Variants in EPX observed in about 807,000 individuals in gnomAD.
EPX encodes eosinophil peroxidase.
In EPX, 60 loss-of-function variants were observed where a neutral mutation model predicts 73.0. The ratio of observed to expected loss-of-function variants is 0.82; its 90% CI spans 0.67 to 1.02. EPX has a LOEUF of 1.02. EPX is among the 50% of genes least tolerant of loss of function. The probability of loss-of-function intolerance (pLI) is 0.00; values close to 1 mark genes in which losing one functional copy is unlikely to be tolerated. For missense variants in EPX, 950 were observed against 973.9 expected, an observed-to-expected ratio of 0.98 and a Z score of 0.33; for synonymous variants, 347 against 389.2, an observed-to-expected ratio of 0.89 and a Z score of 1.28.
rs1301655571 is a variant in EPX, at chr17:58,192,928, A to C, written c.76+6A>C. 2.2e-5 allele frequency: 36 copies of C among 1,613,744 alleles called. No homozygotes were observed. The highest frequency in any genetic ancestry group is 3.1e-5 in the Non-Finnish European group (36 of 1,179,630). On this transcript the variant is annotated splice_donor_region_variant and intron_variant, in intron 1 of 12. Transcript: ENST00000225371. ...CTGTGAGGGCACTGACCCAGGTAAT[A>C]GTCCCCTAGACAGGCAAGGAGGAGG... is the stretch of plus-strand genomic sequence containing the variant.
chr17:58,194,132 T>C (rs1157220126), intron 5 of EPX, 40 bp downstream of exon 5: 2 of 1,608,292 alleles, frequency 1.2e-6, no homozygotes, highest in Admixed American at 3.3e-5. Context: ...GCTTGATCTC[T>C]TAAATGCGGG....
At chr17:58,203,565 A>G (rs1968373006) in intron 11 of EPX, among the ~76,000 whole-genome samples, 1 of 152,148 alleles carries the variant, frequency 6.6e-6, no homozygotes, top group South Asian at 2.1e-4. Flanking sequence ...CAGCCTCACT[A>G]TTCTGGGTTG....
chr17:58,198,203 G>A (rs1247042187), intron 7 of EPX, among the ~76,000 whole-genome samples: 2 of 152,162 alleles, frequency 1.3e-5, no homozygotes, highest in Admixed American at 6.5e-5. Context: ...AATTATTATT[G>A]TTCTCATTTT....
At position 58,204,383 on chromosome 17, in the gene EPX, G is replaced by A. The variant is rs538257523; in HGVS notation, c.2108G>A (p.Arg703His). The A allele has an allele frequency of 3.7e-5, 59 of 1,613,924 alleles. No homozygotes were observed. The South Asian group carries it at 4.1e-4, about 11-fold the overall frequency. Residue 703 changes from arginine to histidine, a missense_variant, in exon 12 of 13, where the codon CGT becomes CAT. Physicochemically the swap from Arg to His is conservative, Grantham distance 29 (BLOSUM62 0). Transcript: ENST00000225371. ...CCTCGGGGCTTTGTGAACTGCAGCC[G>A]TATCCCCAGGTTGAACCTATCAGCC... is the stretch of plus-strand genomic sequence containing the variant. ...IYPRGFVNCS[R>H]IPRLNLSAWR...
rs199870912 is a variant in EPX, at chr17:58,197,156, G to A, written c.1019G>A (p.Arg340His). 72 of 1,614,044 alleles carry A rather than the reference G, an allele frequency of 4.5e-5. No individual in the cohort carries two copies. Among genetic ancestry groups the A allele is most frequent in the Admixed American group, 1.0e-4 (6 of 60,012 alleles). Residue 340 changes from arginine (R) to histidine (H), a missense_variant, in exon 7 of 13, where the codon CGC (arginine) becomes CAC (histidine). Arg to His is a conservative substitution (Grantham distance 29). Transcript: ENST00000225371. ...CTGGGGCTGCTGGCCATCAACCAGC[G>A]CTTTCAAGACAACGGCCGGGCCCTG... ...NYLGLLAINQ[R>H]FQDNGRALLP...
At chr17:58,195,422 C>A (rs976524056) in intron 6 of EPX, among the ~76,000 whole-genome samples, 1 of 152,196 alleles carries the variant, frequency 6.6e-6, no homozygotes, top group Non-Finnish European at 1.5e-5. Context: ...TGACACATGC[C>A]TTGACCCATG....
At chr17:58,202,907 T>C (rs1968360523) in intron 10 of EPX, 174 bp from the exon 11 acceptor site, 1 of 657,654 alleles carries the variant, frequency 1.5e-6, no homozygotes, top group South Asian at 1.7e-5. Context: ...ACATTTTCAA[T>C]CAGAGGACAG....
In EPX at chr17:58,193,401, C is replaced by T. The variant is rs754597061; in HGVS notation, c.201C>T (p.Ala67=). ...SIKQRLRSGS[A]SPMDLLSYFK... is the part of the protein sequence containing the mutation. Reference sequence around the variant, plus strand: ...AGCAGCGGCTTCGCAGCGGTTCAGCCAGCCCCATGGACCTCCTGTCCTACT... The same window carrying T: ...AGCAGCGGCTTCGCAGCGGTTCAGCTAGCCCCATGGACCTCCTGTCCTACT... The change falls in exon 3 of 13, where the codon GCC becomes GCT. Residue 67 remains alanine, a synonymous_variant. Transcript: ENST00000225371. The T allele has an allele frequency of 2.3e-5, 37 of 1,614,128 alleles. No individual in the cohort carries two copies. The South Asian group carries it at 3.8e-4, about 17-fold the overall frequency.
chr17:58,194,834 C>T (rs957680942), intron 5 of EPX, 130 bp from the exon 6 acceptor site: 6 of 732,810 alleles, frequency 8.2e-6, no homozygotes, highest in Admixed American at 4.0e-5. Flanking sequence ...ACAAAAGGGG[C>T]ATGGAGGGCA....
chr17:58,193,189 C>G, intron 2 of EPX, 58 bp downstream of exon 2: 1 of 1,357,248 alleles, frequency 7.4e-7, no homozygotes, highest in Non-Finnish European at 1.1e-6. Context: ...GGCATGGGCC[C>G]CAGCCAAGTT....
chr17:58,204,238 C>T lies in EPX; in HGVS notation c.1963C>T (p.Arg655Ter), dbSNP rs570056910. Residue 655 changes from arginine to a stop codon, truncating the protein, a stop_gained, in exon 12 of 13, where the codon CGA (arginine) becomes TGA (stop). Coordinates refer to ENST00000225371, the MANE Select transcript of EPX (RefSeq NM_000502.6). LOFTEE classifies it high-confidence loss of function. ...GCCTGGTAGGTTCTGGTGGCAGAAA[C>T]GAGGTGTTTTCACCAAAAGACAGCG... Reference protein sequence around the residue: ...RDGDRFWWQKRGVFTKRQRKA... With the variant: ...RDGDRFWWQK 3.9e-5 allele frequency: 63 copies of T among 1,613,962 alleles called. 1 individual carries two copies. In the South Asian group the frequency reaches 5.6e-4, roughly 14 times the overall value.
intron 9 of EPX, 119 bp downstream of exon 9, chr17:58,199,913 C>T: frequency 8.9e-7 from 1 of 1,117,652 alleles, no homozygotes; most frequent in East Asian, 2.5e-5. Context: ...TAATATCTCC[C>T]CAGGACAGTG....
rs553802170 is a variant in EPX at position 58,203,067 on chromosome 17, C to G, written c.1709-14C>G. 1 of 1,594,334 alleles carries G rather than the reference C, an allele frequency of 6.3e-7. No homozygotes were observed. The highest frequency in any genetic ancestry group is 1.1e-5 in the South Asian group (1 of 90,604). Reference sequence around the variant, plus strand: ...TCAGCAAGACTGAAGCTGCTTCTCCCCGTTCCCCTGCAGGGTACAATGCTT... The same window carrying G: ...TCAGCAAGACTGAAGCTGCTTCTCCGCGTTCCCCTGCAGGGTACAATGCTT... On this transcript the variant is annotated splice_polypyrimidine_tract_variant and intron_variant, in intron 10 of 12. Coordinates refer to ENST00000225371, the MANE Select transcript of EPX (RefSeq NM_000502.6).
chr17:58,194,779 C>T (rs1968229564), intron 5 of EPX, among the ~76,000 whole-genome samples, 185 bp from the exon 6 acceptor site: 1 of 152,216 alleles, frequency 6.6e-6, no homozygotes, highest in Non-Finnish European at 1.5e-5. Flanking sequence ...CAGCCAGAAA[C>T]CATCCTTCTA....
intron 5 of EPX, 42 bp from the exon 6 acceptor site, chr17:58,194,922 T>A (rs766438754): frequency 6.6e-7 from 1 of 1,508,212 alleles, no homozygotes; most frequent in East Asian, 2.3e-5. Context: ...CCTTGTGGGG[T>A]CAGGGAGCCC....
chr17:58,203,432 T>C, intron 11 of EPX, 114 bp downstream of exon 11: 1 of 832,850 alleles, frequency 1.2e-6, no homozygotes, highest in South Asian at 1.4e-5. Context: ...TTCTTCCAAG[T>C]TCACAGGATC....
At position 58,193,836 on chromosome 17, in the gene EPX, G is replaced by A. The variant is rs115633369; in HGVS notation, c.464+5G>A. 4.5e-5 allele frequency: 72 copies of A among 1,608,078 alleles called. No individual in the cohort carries two copies. Among genetic ancestry groups the A allele is most frequent in the African/African-American group, 9.3e-5 (7 of 74,970 alleles). On this transcript the variant is annotated splice_donor_5th_base_variant and intron_variant, in intron 4 of 12. Transcript: ENST00000225371. Reference sequence around the variant, plus strand: ...CACTGGACGGTGCAACAACAAGTGCGTGCGGGGCGGCAGGAGGGGCTGCCC... The same window carrying A: ...CACTGGACGGTGCAACAACAAGTGCATGCGGGGCGGCAGGAGGGGCTGCCC...
Position 58,195,107 on chromosome 17 carries a change from C to T in EPX, c.738C>T (p.Ala246=), listed in dbSNP as rs772449221. The T allele has an allele frequency of 6.2e-7, 1 of 1,614,232 alleles. No individual in the cohort carries two copies. The highest frequency in any genetic ancestry group is 1.1e-5 in the South Asian group (1 of 91,088). ...CCCCGGAGTCCCCGGCCAGAGTGGC[C>T]TTCACTGCAGGCGTTGACTGTGAGA... is the stretch of plus-strand genomic sequence containing the variant. ...DFSPESPARV[A]FTAGVDCERT... is the part of the protein sequence containing the mutation. The change falls in exon 6 of 13, where the codon GCC becomes GCT. Residue 246 remains alanine, a synonymous_variant. Coordinates refer to ENST00000225371, the MANE Select transcript of EPX (RefSeq NM_000502.6).
In EPX at chr17:58,199,173, TC is replaced by T. The variant is rs779061254; in HGVS notation, c.1255del (p.Arg419GlyfsTer111). Reference protein sequence around the residue: ...WNGDKLYNEARKIMGAMVQII... With the variant: ...WNGDKLYNEAXKIMGAMVQII... Reference sequence around the variant, plus strand: ...ATGGAGACAAACTGTACAATGAGGCTCGGAAGATCATGGGGGCCATGGTCCA... The same window carrying T: ...ATGGAGACAAACTGTACAATGAGGCTGGAAGATCATGGGGGCCATGGTCCA... On this transcript the variant is annotated frameshift_variant, in exon 8 of 13. Coordinates refer to ENST00000225371, the MANE Select transcript of EPX (RefSeq NM_000502.6). LOFTEE classifies it high-confidence loss of function. 3 of 1,613,862 alleles carry T rather than the reference TC, an allele frequency of 1.9e-6. No homozygotes were observed. In the African/African-American group the frequency reaches 4.0e-5, roughly 22 times the overall value.
Sources: allele counts gnomAD v4.1 joint callset (sites outside exome capture counted in the v4.1 genomes callset), GRCh38; gene constraint gnomAD v4.1.1; transcripts MANE v1.5; gene names NCBI Gene and HGNC (gene_info 2026-07-23, HGNC 2026-07-21).